CAMK2D: variants seen among roughly 807,000 people sequenced by gnomAD.
CAMK2D encodes calcium/calmodulin dependent protein kinase II delta, also known as calcium/calmodulin-dependent protein kinase type II subunit delta.
A neutral mutation model predicts 84.0 loss-of-function variants in CAMK2D; 37 were observed. The observed-to-expected ratio is 0.44, with a 90% CI of 0.34 to 0.58. The LOEUF (loss-of-function observed/expected upper bound fraction) is 0.58. CAMK2D is among the 20% of genes least tolerant of loss of function. The pLI is 0.02. For synonymous variants in CAMK2D, 202 were observed against 212.5 expected (o/e 0.95, Z 0.43); for missense variants, 448 against 652.5 (o/e 0.69, Z 3.41).
intron 2 of CAMK2D, among the ~76,000 whole-genome samples, chr4:113,740,658 T>C (rs748716626): frequency 2.0e-4 from 31 of 152,174 alleles, no homozygotes; most frequent in Non-Finnish European, 4.1e-4. Flanking sequence ...TCATCTACTA[T>C]GAGATGACTA....
Position 113,500,450 on chromosome 4 carries a change from G to A in CAMK2D, c.1135+13C>T. ...CTCTGAGGTAGGATTTTCCATTTCT[G>A]GTTAAATCATACCTTTCACATCTTC... On this transcript the variant is annotated intron_variant, in intron 16 of 20. Coordinates refer to ENST00000511664, the MANE Select transcript of CAMK2D (RefSeq NM_001321571.2). The A allele has an allele frequency of 6.5e-7, 1 of 1,539,388 alleles. No individual in the cohort carries two copies.
intron 9 of CAMK2D, among the ~76,000 whole-genome samples, chr4:113,515,730 G>A (rs563631523): frequency 7.2e-5 from 11 of 152,252 alleles, no homozygotes; most frequent in African/African-American, 2.4e-4. Context: ...GGGCTACTTG[G>A]AGTGCTGTAG....
intron 1 of CAMK2D, 128 bp from the exon 2 acceptor site, chr4:113,759,542 AAC>A: frequency 4.4e-6 from 2 of 457,588 alleles, no homozygotes; most frequent in Non-Finnish European, 7.5e-6. Context: ...CCAGTAAATG[AAC>A]AATTCTTCCT....
intron 16 of CAMK2D, among the ~76,000 whole-genome samples, chr4:113,486,985 T>C (rs2097771942): frequency 6.6e-6 from 1 of 152,228 alleles, no homozygotes; most frequent in Admixed American, 6.5e-5. Flanking sequence ...GACTATACAT[T>C]ACAGGTGTTC....
At chr4:113,664,335 T>G (rs1327312403) in intron 2 of CAMK2D, among the ~76,000 whole-genome samples, 2 of 152,206 alleles carry the variant, frequency 1.3e-5, no homozygotes, top group Non-Finnish European at 2.9e-5. Flanking sequence ...ATCTCACAGT[T>G]TCTGTGGGTC....
intron 3 of CAMK2D, among the ~76,000 whole-genome samples, chr4:113,610,122 C>G (rs951793495): frequency 6.6e-6 from 1 of 151,886 alleles, no homozygotes; most frequent in Non-Finnish European, 1.5e-5. Flanking sequence ...ACTCATGTCA[C>G]GGGGGTTGAT....
At chr4:113,755,173 T>TATATACACACAC (rs71582195) in intron 2 of CAMK2D, 12 of 163,434 alleles carry the variant, frequency 7.3e-5, no homozygotes, top group African/African-American at 3.2e-4. Flanking sequence ...TACTTAGGGA[T>TATATACACACAC]ACACACACAC....
At chr4:113,652,533 C>T (rs2099178457) in intron 3 of CAMK2D, among the ~76,000 whole-genome samples, 2 of 152,104 alleles carry the variant, frequency 1.3e-5, no homozygotes, top group African/African-American at 4.8e-5. Flanking sequence ...CTTCTGGGCT[C>T]CCTAGCGACA....
intron 5 of CAMK2D, 36 bp downstream of exon 5, chr4:113,551,995 T>C (rs766659302): frequency 1.4e-5 from 14 of 985,978 alleles, no homozygotes; most frequent in Non-Finnish European, 2.2e-5. Flanking sequence ...TATTTGAATG[T>C]TGAGTCTTGT....
At chr4:113,495,876 A>C (rs1478797749) in intron 16 of CAMK2D, among the ~76,000 whole-genome samples, 1 of 152,150 alleles carries the variant, frequency 6.6e-6, no homozygotes, top group Non-Finnish European at 1.5e-5. Flanking sequence ...GATACTGGAA[A>C]CAGGATGGTG....
chr4:113,465,378 A>G, intron 17 of CAMK2D, 151 bp downstream of exon 17: 1 of 568,196 alleles, frequency 1.8e-6, no homozygotes, highest in Non-Finnish European at 3.1e-6. Context: ...TTTCTCTCCT[A>G]GGGGCACTTA....
At chr4:113,608,849 T>C (rs1014727649) in intron 4 of CAMK2D, among the ~76,000 whole-genome samples, 4 of 152,208 alleles carry the variant, frequency 2.6e-5, no homozygotes, top group African/African-American at 4.8e-5. Context: ...ATTTTGCTTA[T>C]GTCAAACATT....
At chr4:113,454,769 C>T (rs779602977) in intron 20 of CAMK2D, among the ~76,000 whole-genome samples, 2 of 152,082 alleles carry the variant, frequency 1.3e-5, no homozygotes, top group Admixed American at 6.6e-5. Context: ...AATAAAGAGA[C>T]AGAGACACAG....
At chr4:113,700,833 G>A (rs1023802327) in intron 2 of CAMK2D, among the ~76,000 whole-genome samples, 2 of 152,136 alleles carry the variant, frequency 1.3e-5, no homozygotes, top group African/African-American at 4.8e-5. Flanking sequence ...CTTTAGATGA[G>A]CCTAGGACAC....
intron 2 of CAMK2D, among the ~76,000 whole-genome samples, chr4:113,743,660 C>A (rs916923189): frequency 2.6e-5 from 4 of 152,296 alleles, no homozygotes; most frequent in East Asian, 3.9e-4. Context: ...CTCATGCCCA[C>A]AACCTCCTCA....
chr4:113,687,585 C>T (rs1014849975), intron 2 of CAMK2D, among the ~76,000 whole-genome samples: 8 of 152,156 alleles, frequency 5.3e-5, no homozygotes, highest in African/African-American at 1.9e-4. Context: ...TAGTTTGCTA[C>T]AAGAAAAGAG....
At chr4:113,557,471 T>C (rs2098672649) in intron 4 of CAMK2D, among the ~76,000 whole-genome samples, 1 of 152,180 alleles carries the variant, frequency 6.6e-6, no homozygotes, top group African/African-American at 2.4e-5. Flanking sequence ...CACATGCTTG[T>C]CTCTCTTCCG....
At chr4:113,534,005 T>G (rs929253984) in intron 7 of CAMK2D, among the ~76,000 whole-genome samples, 10 of 152,108 alleles carry the variant, frequency 6.6e-5, no homozygotes, top group African/African-American at 2.4e-4. Context: ...ACCTCGTATA[T>G]TTATTAAAAT....
At chr4:113,698,063 C>T (rs982538303) in intron 2 of CAMK2D, among the ~76,000 whole-genome samples, 1 of 152,062 alleles carries the variant, frequency 6.6e-6, no homozygotes, top group Non-Finnish European at 1.5e-5. Context: ...AACATCACAG[C>T]TTAACCTAGC....
Sources: allele counts gnomAD v4.1 joint callset (sites outside exome capture counted in the v4.1 genomes callset), GRCh38; gene constraint gnomAD v4.1.1; transcripts MANE v1.5; gene names NCBI Gene and HGNC (gene_info 2026-07-23, HGNC 2026-07-21).